The following NDUFA10 variants were observed in gnomAD, a reference collection of about 807,000 sequenced individuals.
NDUFA10 encodes NADH:ubiquinone oxidoreductase subunit A10.
In NDUFA10, 40 loss-of-function variants were observed where a neutral mutation model predicts 47.8. The ratio of observed to expected loss-of-function variants is 0.84; its 90% confidence interval spans 0.65 to 1.09. The LOEUF (loss-of-function observed/expected upper bound fraction) is 1.09. NDUFA10 is among the 50% of genes least tolerant of loss of function. The pLI is 0.00. For missense variants in NDUFA10, 413 were observed against 451.1 expected, an observed-to-expected ratio of 0.92 and a Z score of 0.76; for synonymous variants, 183 against 172.2, an observed-to-expected ratio of 1.06 and a Z score of -0.49.
rs1693664180 is a variant in NDUFA10, at chr2:239,906,829, C to T, written c.295-11515G>A. ...AATCAATATTGTGAAAATGGCCATACTGCACAAGGTAATTTATAGATTCAA... is the reference window on the plus strand; with the variant it reads ...AATCAATATTGTGAAAATGGCCATATTGCACAAGGTAATTTATAGATTCAA... On this transcript the variant is annotated intron_variant, in intron 4 of 5. Coordinates refer to the NDUFA10 transcript ENST00000419408. The surrounding 1 kb of genome is among the most constrained non-coding windows in gnomAD (Gnocchi z 4.3). Among the ~76,000 whole-genome samples the T allele has an allele frequency of 6.6e-6, 1 of 152,180 alleles. No individual in the cohort carries two copies. Among genetic ancestry groups the T allele is most frequent in the Non-Finnish European group, 1.5e-5 (1 of 68,032 alleles).
rs778935803 is a variant in NDUFA10, at chr2:240,007,337, C to T, written c.783G>A (p.Arg261=). The T allele has an allele frequency of 1.3e-6, 2 of 1,595,934 alleles. No homozygotes were observed. Among genetic ancestry groups the T allele is most frequent in the African/African-American group, 1.3e-5 (1 of 74,730 alleles). The change falls in exon 7 of 10, where the codon AGG becomes AGA. Residue 261 remains arginine, a synonymous_variant. Coordinates refer to ENST00000252711, the MANE Select transcript of NDUFA10 (RefSeq NM_004544.4). ...EKCEVLQYSA[R]EAQDSKKVVE... The stretch of plus-strand genomic sequence containing the variant: ...TTACCTTTTTTGAATCTTGAGCTTC[C>T]CTTGCAGAATATTGTAAAACCTCAC...
At chr2:239,927,100 A>G (rs1293450917) in intron 4 of NDUFA10, among the ~76,000 whole-genome samples, 2 of 152,154 alleles carry the variant, frequency 1.3e-5, no homozygotes, top group African/African-American at 4.8e-5. Flanking sequence ...ACAATTCAAG[A>G]TGAGACTTGG....
chr2:239,952,553 G>A (rs1694573603), downstream of NDUFA10, among the ~76,000 whole-genome samples: 1 of 152,188 alleles, frequency 6.6e-6, no homozygotes, highest in Non-Finnish European at 1.5e-5. Context: ...ACCCCTGTAG[G>A]GGTTTTTCTG....
chr2:239,960,807 A>G lies in NDUFA10; in HGVS notation c.*311T>C. 2 of 1,293,094 alleles carry G rather than the reference A, an allele frequency of 1.5e-6. No homozygotes were observed. The highest frequency in any genetic ancestry group is 3.1e-5 in the South Asian group (2 of 64,962). 80.1% of individuals were successfully genotyped at this position (1,293,094 alleles called of 1,614,324 possible). Reference sequence around the variant, plus strand: ...AATGTGCACAACCTGAATGACACAGAGCGGCAGCGCTGAAACCACAGGGGC... The same window carrying G: ...AATGTGCACAACCTGAATGACACAGGGCGGCAGCGCTGAAACCACAGGGGC... On this transcript the variant is annotated 3_prime_UTR_variant, in exon 10 of 10. Transcript: ENST00000252711.
chr2:239,950,022 T>C (rs900267063), intron 4 of NDUFA10, among the ~76,000 whole-genome samples: 1 of 152,146 alleles, frequency 6.6e-6, no homozygotes, highest in Non-Finnish European at 1.5e-5. Context: ...TAGAGCCTAT[T>C]TTCTTACGTA....
At position 239,960,552 on chromosome 2, in the gene NDUFA10, A is replaced by T. The variant is rs1026124256; in HGVS notation, c.*566T>A. 8 of 998,546 alleles carry T rather than the reference A, an allele frequency of 8.0e-6. No homozygotes were observed. In the Admixed American group the frequency reaches 1.6e-4, roughly 20 times the overall value. The allele number at this position is 998,546 out of a possible 1,614,324, so 61.9% of individuals were successfully genotyped here. A position where few individuals can be genotyped will look rare whatever the true frequency, so the allele number is the denominator to read the frequency against. On this transcript the variant is annotated 3_prime_UTR_variant, in exon 10 of 10. Coordinates refer to ENST00000252711, the MANE Select transcript of NDUFA10 (RefSeq NM_004544.4). ...TTTCTCCTTTTGCTATTTCTTCTTC[A>T]CGTTCTTATTTTTTCTACTCTAATG... is the stretch of plus-strand genomic sequence containing the variant.
At chr2:239,998,431 G>A (rs1696568315) in intron 8 of NDUFA10, among the ~76,000 whole-genome samples, 2 of 152,216 alleles carry the variant, frequency 1.3e-5, no homozygotes, top group Non-Finnish European at 2.9e-5. Flanking sequence ...TCTGCCAAAA[G>A]CACAGCTCTT....
chr2:239,907,725 A>G (rs920904035), intron 4 of NDUFA10, among the ~76,000 whole-genome samples: 4 of 152,234 alleles, frequency 2.6e-5, no homozygotes, highest in Non-Finnish European at 4.4e-5. Flanking sequence ...TAGAATGGTG[A>G]TCATTAAAAA....
At chr2:240,010,060 C>T (rs1015919860) in intron 6 of NDUFA10, among the ~76,000 whole-genome samples, 6 of 152,196 alleles carry the variant, frequency 3.9e-5, no homozygotes, top group African/African-American at 1.2e-4. Flanking sequence ...TTTTAAGATC[C>T]AAGTCCATCA....
At chr2:239,932,736 T>C (rs145457219) in intron 4 of NDUFA10, among the ~76,000 whole-genome samples, 5,757 of 152,110 alleles carry the variant, frequency 0.038, 158 homozygotes, top group Non-Finnish European at 0.053. Flanking sequence ...TCCGCCACCA[T>C]ACCCGGCTAA....
At chr2:239,908,734 A>G (rs1693698899) in intron 4 of NDUFA10, among the ~76,000 whole-genome samples, 1 of 152,258 alleles carries the variant, frequency 6.6e-6, no homozygotes, top group Non-Finnish European at 1.5e-5. Context: ...CACTGAAAAG[A>G]AAGTGAGCGT....
chr2:240,004,639 G>A (rs1288522122), intron 8 of NDUFA10, among the ~76,000 whole-genome samples: 1 of 151,868 alleles, frequency 6.6e-6, no homozygotes, highest in African/African-American at 2.4e-5. Flanking sequence ...TTCCGCTGTG[G>A]CCTCCCCTCC....
chr2:239,945,125 C>T lies in NDUFA10; in HGVS notation c.294+44949G>A, dbSNP rs992429557. ...TCTCTATCCTCTACAGAAACCCAGG[C>T]ACGTGTACAGCCATCAGAGCCCCGG... On this transcript the variant is annotated intron_variant, in intron 4 of 5. Coordinates refer to the NDUFA10 transcript ENST00000419408. The surrounding 1 kb of genome is among the most constrained non-coding windows in gnomAD (Gnocchi z 4.6). 6.6e-6 allele frequency among the ~76,000 whole-genome samples: 1 copy of T among 152,124 alleles called. No individual in the cohort carries two copies. Among genetic ancestry groups the T allele is most frequent in the Non-Finnish European group, 1.5e-5 (1 of 68,022 alleles).
At chr2:240,020,533 A>G (rs889100585) in intron 3 of NDUFA10, among the ~76,000 whole-genome samples, 4 of 152,184 alleles carry the variant, frequency 2.6e-5, no homozygotes, top group Admixed American at 2.6e-4. Context: ...CATTCTGCAC[A>G]CAAGTAGTCC....
chr2:239,975,169 ACT>A (rs1188053737), intron 9 of NDUFA10, among the ~76,000 whole-genome samples: 5 of 152,172 alleles, frequency 3.3e-5, no homozygotes, highest in African/African-American at 1.2e-4. Flanking sequence ...AATATGTGAC[ACT>A]CTGCTGCCCC....
At chr2:240,001,986 G>A (rs1696738849) in intron 8 of NDUFA10, among the ~76,000 whole-genome samples, 2 of 152,122 alleles carry the variant, frequency 1.3e-5, no homozygotes, top group Admixed American at 1.3e-4. Context: ...TTTATTCAGA[G>A]GCCAAAAGCA....
intron 4 of NDUFA10, among the ~76,000 whole-genome samples, chr2:239,950,783 G>GGCA (rs1488511709): frequency 3.3e-5 from 5 of 152,184 alleles, no homozygotes; most frequent in East Asian, 3.9e-4. Flanking sequence ...ACCCCTGCTC[G>GGCA]TGCCTGCAGC....
At chr2:239,993,611 A>G (rs1271134417) in intron 8 of NDUFA10, among the ~76,000 whole-genome samples, 1 of 152,142 alleles carries the variant, frequency 6.6e-6, no homozygotes, top group African/African-American at 2.4e-5. Flanking sequence ...AAGTAAAGAG[A>G]AAACAGGGTC....
chr2:239,943,684 C>A (rs1442629994), intron 4 of NDUFA10, among the ~76,000 whole-genome samples: 1 of 152,098 alleles, frequency 6.6e-6, no homozygotes, highest in Non-Finnish European at 1.5e-5. Flanking sequence ...TAAGAATGTG[C>A]CTGATTTGGG....
Sources: gnomAD v4.1 joint callset for allele counts (sites outside exome capture counted in the v4.1 genomes callset) on GRCh38, gnomAD v4.1.1 for gene constraint, Gnocchi (gnomAD v3.1) non-coding constraint, MANE v1.5 for transcripts, NCBI Gene and HGNC (gene_info 2026-07-23, HGNC 2026-07-21) for gene names.